SPART: variants seen among roughly 807,000 people sequenced by gnomAD.
The protein encoded by SPART is spastic paraplegia 20 (Troyer syndrome).
Under a neutral mutation model 58.7 loss-of-function variants are expected in SPART, and 35 were observed. That is an observed-to-expected ratio of 0.60 (90% CI 0.46 to 0.79). The LOEUF is 0.79. Among genes scored for constraint, SPART ranks in the 30% least tolerant of loss-of-function variants. SPART has a pLI of 0.00. For synonymous variants in SPART, 284 were observed against 280.7 expected, an observed-to-expected ratio of 1.01 and a Z score of -0.12; for missense variants, 730 against 786.1, an observed-to-expected ratio of 0.93 and a Z score of 0.85.
intron 1 of SPART, among the ~76,000 whole-genome samples, chr13:36,345,867 A>C (rs901055938): frequency 6.6e-6 from 1 of 152,076 alleles, no homozygotes; most frequent in Non-Finnish European, 1.5e-5. Context: ...CAAAGTAAAC[A>C]ACGGGGTTGG....
intron 1 of SPART, among the ~76,000 whole-genome samples, chr13:36,363,315 T>C (rs1885936892): frequency 6.6e-6 from 1 of 152,320 alleles, no homozygotes; most frequent in East Asian, 1.9e-4. Flanking sequence ...TCTTTCCTAG[T>C]GTTTGGGAAT....
At chr13:36,363,447 C>T (rs1885943172) in intron 1 of SPART, among the ~76,000 whole-genome samples, 1 of 151,878 alleles carries the variant, frequency 6.6e-6, no homozygotes, top group South Asian at 2.1e-4. Flanking sequence ...GAGCTGCTGC[C>T]TTTTGGTCCT....
At chr13:36,358,847 G>C (rs1885723866) in intron 1 of SPART, among the ~76,000 whole-genome samples, 1 of 152,132 alleles carries the variant, frequency 6.6e-6, no homozygotes, top group Non-Finnish European at 1.5e-5. Flanking sequence ...TAAGTTAAAG[G>C]ACTTTTGGAA....
chr13:36,365,263 C>CA (rs1421616924), intron 1 of SPART, among the ~76,000 whole-genome samples: 1 of 152,184 alleles, frequency 6.6e-6, no homozygotes, highest in African/African-American at 2.4e-5. Flanking sequence ...TTATACAGTG[C>CA]AAAGAATTAA....
intron 1 of SPART, among the ~76,000 whole-genome samples, chr13:36,337,926 A>C (rs1473521683): frequency 6.6e-6 from 1 of 152,216 alleles, no homozygotes; most frequent in Non-Finnish European, 1.5e-5. Flanking sequence ...TCTACCATTA[A>C]TAACATATTT....
At chr13:36,311,283 C>T (rs1375776930) in intron 8 of SPART, among the ~76,000 whole-genome samples, 1 of 152,188 alleles carries the variant, frequency 6.6e-6, no homozygotes, top group Non-Finnish European at 1.5e-5. Flanking sequence ...AGAGACAGAC[C>T]TTAAGGCCAA....
chr13:36,367,134 G>T (rs1203361107), intron 1 of SPART, among the ~76,000 whole-genome samples: 4 of 152,108 alleles, frequency 2.6e-5, no homozygotes, highest in Non-Finnish European at 5.9e-5. Flanking sequence ...GGAAGTTTTC[G>T]GTTTTTAAAG....
intron 5 of SPART, among the ~76,000 whole-genome samples, chr13:36,316,696 G>C (rs975300587): frequency 6.6e-6 from 1 of 152,124 alleles, no homozygotes; most frequent in Non-Finnish European, 1.5e-5. Context: ...CAGCCTGCCT[G>C]CACCCAGGTG....
intron 1 of SPART, among the ~76,000 whole-genome samples, chr13:36,361,422 G>C (rs920776501): frequency 6.6e-6 from 1 of 151,974 alleles, no homozygotes; most frequent in Non-Finnish European, 1.5e-5. Flanking sequence ...TGTTGTTTTT[G>C]AGACAGAGTT....
Position 36,326,697 on chromosome 13 carries a change from G to A in SPART, c.1166C>T (p.Ala389Val), listed in dbSNP as rs929597784. 3 of 1,612,456 alleles carry A rather than the reference G, an allele frequency of 1.9e-6. No individual in the cohort carries two copies. Among genetic ancestry groups the A allele is most frequent in the African/African-American group, 1.3e-5 (1 of 74,854 alleles). Residue 389 changes from alanine (A) to valine (V), a missense_variant and splice_region_variant, in exon 5 of 9, where the codon GCT becomes GTT. Transcript: ENST00000438666. ...AACTTCTTCACTTGAAGTATCTTTAGCCTAAACAGTAAAAATGTTTCAAAA... is the reference window on the plus strand; with the variant it reads ...AACTTCTTCACTTGAAGTATCTTTAACCTAAACAGTAAAAATGTTTCAAAA... ...VRHKGKRGKR[A>V]KDTSSEEVNL...
At chr13:36,327,078 A>G (rs570707342) in intron 4 of SPART, among the ~76,000 whole-genome samples, 1 of 152,338 alleles carries the variant, frequency 6.6e-6, no homozygotes, top group Admixed American at 6.5e-5. Flanking sequence ...AAATGACTCA[A>G]TCAGTAAGCA....
chr13:36,346,902 T>A (rs1348907985), upstream of SPART: 1 of 152,220 alleles, frequency 6.6e-6, no homozygotes, highest in East Asian at 1.9e-4. Flanking sequence ...CCTCAATGTC[T>A]CTGCAGCCTG....
chr13:36,335,091 T>C lies in SPART; in HGVS notation c.740A>G (p.Tyr247Cys). The C allele has an allele frequency of 6.2e-7, 1 of 1,614,124 alleles. No individual in the cohort carries two copies. Among genetic ancestry groups the C allele is most frequent in the Middle Eastern group, 1.6e-4 (1 of 6,062 alleles). ...GEVSAPSYPGYLRIVRFLDNS... is the reference protein window; with the variant it reads ...GEVSAPSYPGCLRIVRFLDNS... ...ATCCAAAAACCTCACAATTCGAAGGTACCCAGGATACGAAGGTGCACTAAC... is the reference window on the plus strand; with the variant it reads ...ATCCAAAAACCTCACAATTCGAAGGCACCCAGGATACGAAGGTGCACTAAC... Residue 247 changes from tyrosine (Y) to cysteine (C), a missense_variant, in exon 2 of 9, where the codon TAC becomes TGC. Physicochemically the swap from Tyr to Cys is radical, Grantham distance 194 (BLOSUM62 -2). Transcript: ENST00000438666.
At chr13:36,336,330 T>C (rs1274087419) in intron 1 of SPART, 1 of 154,464 alleles carries the variant, frequency 6.5e-6, no homozygotes, top group Non-Finnish European at 1.4e-5. Flanking sequence ...CACAGCCCTG[T>C]TGCTTCCCCA....
rs141559964 is a variant in SPART, at chr13:36,335,092, A to C, written c.739T>G (p.Tyr247Asp). The C allele has an allele frequency of 6.2e-7, 1 of 1,614,056 alleles. No individual in the cohort carries two copies. Among genetic ancestry groups the C allele is most frequent in the Non-Finnish European group, 8.5e-7 (1 of 1,180,028 alleles). Residue 247 changes from tyrosine to aspartate, a missense_variant, in exon 2 of 9, where the codon TAC becomes GAC. Physicochemically the swap from Tyr to Asp is radical, Grantham distance 160. Transcript: ENST00000438666. ...GEVSAPSYPG[Y>D]LRIVRFLDNS... Reference sequence around the variant, plus strand: ...TCCAAAAACCTCACAATTCGAAGGTACCCAGGATACGAAGGTGCACTAACC... The same window carrying C: ...TCCAAAAACCTCACAATTCGAAGGTCCCCAGGATACGAAGGTGCACTAACC...
At chr13:36,353,014 A>T (rs973644413) in intron 1 of SPART, among the ~76,000 whole-genome samples, 1 of 152,128 alleles carries the variant, frequency 6.6e-6, no homozygotes, top group Non-Finnish European at 1.5e-5. Flanking sequence ...AACATGATAG[A>T]CTGACAAAAG....
upstream of SPART, among the ~76,000 whole-genome samples, chr13:36,349,737 A>G (rs1398820666): frequency 4.6e-5 from 7 of 152,178 alleles, no homozygotes; most frequent in Admixed American, 3.9e-4. Flanking sequence ...TAGAGGAAAA[A>G]CTGAATTATC....
intron 5 of SPART, among the ~76,000 whole-genome samples, chr13:36,320,392 C>G (rs898618670): frequency 2.0e-5 from 3 of 152,172 alleles, no homozygotes; most frequent in African/African-American, 4.8e-5. Flanking sequence ...AAATTTCCTT[C>G]TTTCCTGTTC....
chr13:36,314,704 T>C (rs1302393723), intron 5 of SPART, among the ~76,000 whole-genome samples: 1 of 152,234 alleles, frequency 6.6e-6, no homozygotes, highest in Non-Finnish European at 1.5e-5. Flanking sequence ...ACAGTATCTC[T>C]ATATGTTACT....
Sources: allele counts gnomAD v4.1 joint callset (sites outside exome capture counted in the v4.1 genomes callset), GRCh38; gene constraint gnomAD v4.1.1; transcripts MANE v1.5; gene names NCBI Gene and HGNC (gene_info 2026-07-23, HGNC 2026-07-21).